CPA6: variants seen among roughly 807,000 people sequenced by gnomAD.
CPA6 encodes the protein carboxypeptidase A6.
CPA6 carries 58 observed loss-of-function variants against 63.3 expected under a neutral mutation model. That is an observed-to-expected ratio of 0.92 (90% CI 0.74 to 1.14). CPA6 has a LOEUF of 1.14. CPA6 is among the 50% of genes most tolerant of loss of function. The pLI, the probability that CPA6 is intolerant of heterozygous loss-of-function variation, is 0.00. For missense variants in CPA6, 565 were observed against 526.6 expected, an observed-to-expected ratio of 1.07 and a Z score of -0.71; for synonymous variants, 185 against 179.0, an observed-to-expected ratio of 1.03 and a Z score of -0.27.
chr8:67,471,753 G>C (rs1486604854), intron 8 of CPA6, among the ~76,000 whole-genome samples: 3 of 152,076 alleles, frequency 2.0e-5, no homozygotes, highest in Non-Finnish European at 4.4e-5. Flanking sequence ...AAAAGAGATG[G>C]TTTTAATAAC....
rs149093504 is a variant in CPA6 at position 67,736,822 on chromosome 8, T to A, written c.116+9192A>T. 4.3e-3 allele frequency among the ~76,000 whole-genome samples: 658 copies of A among 152,322 alleles called. 4 individuals carry two copies. Among genetic ancestry groups the A allele is most frequent in the African/African-American group, 0.015 (633 of 41,580 alleles). ...CAATACATATCCAAAAAAGTGCTTA[T>A]CTTCTCTGCAAAGGGCAGTCTACTT... On this transcript the variant is annotated intron_variant, in intron 1 of 10. Coordinates refer to ENST00000297770, the MANE Select transcript of CPA6 (RefSeq NM_020361.5).
At chr8:67,547,490 G>A (rs6993332) in intron 2 of CPA6, among the ~76,000 whole-genome samples, 1,965 of 148,702 alleles carry the variant, frequency 0.013, 41 homozygotes, top group African/African-American at 0.046. Context: ...AACAAGTAAT[G>A]AATTATAGTC....
At chr8:67,575,660 C>A (rs1214831272) in intron 2 of CPA6, among the ~76,000 whole-genome samples, 1 of 152,124 alleles carries the variant, frequency 6.6e-6, no homozygotes, top group African/African-American at 2.4e-5. Context: ...AGTTCGAGAC[C>A]AGCCTGGCCA....
intron 1 of CPA6, chr8:67,735,446 GA>G (rs1400310334): frequency 2.0e-5 from 3 of 152,306 alleles, no homozygotes; most frequent in East Asian, 1.9e-4. Flanking sequence ...TAATGAGGAA[GA>G]GAATAGATTT....
intron 1 of CPA6, among the ~76,000 whole-genome samples, chr8:67,711,934 G>A (rs1159102051): frequency 1.3e-5 from 2 of 152,126 alleles, no homozygotes; most frequent in Non-Finnish European, 1.5e-5. Context: ...ACAGAGCCAT[G>A]TAATACTTTG....
At chr8:67,685,058 A>G (rs1158663525) in intron 1 of CPA6, among the ~76,000 whole-genome samples, 1 of 152,096 alleles carries the variant, frequency 6.6e-6, no homozygotes, top group Non-Finnish European at 1.5e-5. Flanking sequence ...AGTAGTCCCT[A>G]TACCTATACT....
At chr8:67,616,368 G>A (rs1325707091) in intron 2 of CPA6, among the ~76,000 whole-genome samples, 1 of 152,146 alleles carries the variant, frequency 6.6e-6, no homozygotes, top group Non-Finnish European at 1.5e-5. Context: ...GAGGGCTGCA[G>A]AAAAGACACT....
chr8:67,653,439 C>T (rs1815897273), intron 1 of CPA6, among the ~76,000 whole-genome samples: 1 of 151,056 alleles, frequency 6.6e-6, no homozygotes, highest in South Asian at 2.1e-4. Context: ...TTGTAGTTCT[C>T]CTTGAAGAGG....
chr8:67,620,725 T>C (rs1029784836), intron 2 of CPA6, among the ~76,000 whole-genome samples: 45 of 152,200 alleles, frequency 3.0e-4, no homozygotes, highest in African/African-American at 1.0e-3. Flanking sequence ...GGTAACGCAA[T>C]GCTTTTAGAT....
intron 2 of CPA6, among the ~76,000 whole-genome samples, chr8:67,604,940 A>AT (rs993836599): frequency 4.7e-4 from 71 of 150,848 alleles, no homozygotes; most frequent in African/African-American, 1.4e-3. Flanking sequence ...ACCATGCCTA[A>AT]TTTTTTTTTG....
chr8:67,488,956 G>C (rs1811545958), intron 6 of CPA6, among the ~76,000 whole-genome samples: 1 of 152,216 alleles, frequency 6.6e-6, no homozygotes, highest in African/African-American at 2.4e-5. Context: ...TTTGGGCTGA[G>C]ACGATGGGGT....
chr8:67,629,072 G>A (rs1183414570), intron 1 of CPA6, among the ~76,000 whole-genome samples: 1 of 152,140 alleles, frequency 6.6e-6, no homozygotes, highest in Non-Finnish European at 1.5e-5. Flanking sequence ...CTGAGATCAT[G>A]CCACTGCACT....
chr8:67,561,446 T>G (rs1328564749), intron 2 of CPA6, among the ~76,000 whole-genome samples: 2 of 152,206 alleles, frequency 1.3e-5, no homozygotes, highest in Non-Finnish European at 2.9e-5. Context: ...TTTTCTTGTG[T>G]TCCTGCCAAA....
rs930564500 is a variant in CPA6 at position 67,490,483 on chromosome 8, A to G, written c.637-5694T>C. On this transcript the variant is annotated intron_variant, in intron 6 of 10. Transcript: ENST00000297770. ...CACACGCCTCAGTGTGGCGGTCCCT[A>G]GGTACTGCATCACCTCACTTAAATT... Among the ~76,000 whole-genome samples the G allele has an allele frequency of 7.9e-5, 12 of 152,188 alleles. 1 individual carries two copies. Among genetic ancestry groups the G allele is most frequent in the Non-Finnish European group, 4.4e-5 (3 of 68,016 alleles).
At chr8:67,497,421 T>C (rs931568542) in intron 6 of CPA6, among the ~76,000 whole-genome samples, 15 of 152,220 alleles carry the variant, frequency 9.9e-5, no homozygotes, top group Non-Finnish European at 1.5e-4. Flanking sequence ...CACTGCTGTA[T>C]CTTAATACCT....
intron 8 of CPA6, among the ~76,000 whole-genome samples, chr8:67,440,348 A>G (rs766385860): frequency 5.9e-5 from 9 of 152,126 alleles, no homozygotes; most frequent in Non-Finnish European, 1.3e-4. Flanking sequence ...AAGCGGGCGG[A>G]TCACTTGAGG....
intron 1 of CPA6, among the ~76,000 whole-genome samples, chr8:67,626,563 T>C (rs1815198908): frequency 6.6e-6 from 1 of 152,220 alleles, no homozygotes; most frequent in South Asian, 2.1e-4. Context: ...GGGAAAAAAT[T>C]GTCAAGTCAC....
intron 1 of CPA6, among the ~76,000 whole-genome samples, chr8:67,728,418 A>G (rs1263869904): frequency 6.6e-6 from 1 of 152,128 alleles, no homozygotes; most frequent in Non-Finnish European, 1.5e-5. Flanking sequence ...CCTCTATAGA[A>G]TCTTGAGCAT....
chr8:67,744,503 G>C (rs1310946056), intron 1 of CPA6, among the ~76,000 whole-genome samples: 1 of 152,130 alleles, frequency 6.6e-6, no homozygotes, highest in Non-Finnish European at 1.5e-5. Context: ...AGCAGGCCTG[G>C]TAACTTTTCA....
Sources: allele counts gnomAD v4.1 joint callset (sites outside exome capture counted in the v4.1 genomes callset), GRCh38; gene constraint gnomAD v4.1.1; transcripts MANE v1.5; gene names NCBI Gene and HGNC (gene_info 2026-07-23, HGNC 2026-07-21).